The following CNBD1 variants were observed in gnomAD, a reference collection of about 807,000 sequenced individuals.
CNBD1 encodes the protein cyclic nucleotide binding domain containing 1.
Under a neutral mutation model 54.4 loss-of-function variants are expected in CNBD1, and 71 were observed. The ratio of observed to expected loss-of-function variants is 1.30; its 90% CI spans 1.08 to 1.59. The LOEUF (loss-of-function observed/expected upper bound fraction) is 1.59. CNBD1 is among the 40% of genes most tolerant of loss of function. The probability of loss-of-function intolerance (pLI) is 0.00; values close to 1 mark genes in which losing one functional copy is unlikely to be tolerated. For missense variants in CNBD1, 659 were observed against 518.0 expected (o/e 1.27, Z -2.64); for synonymous variants, 182 against 170.7 (o/e 1.07, Z -0.51).
At chr8:87,051,401 G>C (rs1453173349) in intron 4 of CNBD1, among the ~76,000 whole-genome samples, 2 of 152,126 alleles carry the variant, frequency 1.3e-5, no homozygotes, top group Non-Finnish European at 2.9e-5. Flanking sequence ...CGGCTGGGGA[G>C]ACCCTAACCC....
chr8:87,304,301 C>A (rs1809090184), intron 8 of CNBD1, among the ~76,000 whole-genome samples: 1 of 152,126 alleles, frequency 6.6e-6, no homozygotes, highest in South Asian at 2.1e-4. Flanking sequence ...GAATACTATG[C>A]AGCCATAAAA....
chr8:87,045,155 G>A (rs182148005), intron 4 of CNBD1, among the ~76,000 whole-genome samples: 1 of 152,290 alleles, frequency 6.6e-6, no homozygotes, highest in Non-Finnish European at 1.5e-5. Flanking sequence ...GCATGTCCAT[G>A]TGGGGTTCCA....
At chr8:87,177,851 T>C (rs1813231011) in intron 4 of CNBD1, among the ~76,000 whole-genome samples, 1 of 152,206 alleles carries the variant, frequency 6.6e-6, no homozygotes, top group Non-Finnish European at 1.5e-5. Context: ...TTTTCTAACA[T>C]ATTAGAAAGA....
intron 4 of CNBD1, among the ~76,000 whole-genome samples, chr8:87,033,061 A>G (rs1809829291): frequency 6.6e-6 from 1 of 151,438 alleles, no homozygotes; most frequent in African/African-American, 2.5e-5. Context: ...ACATCTGTAC[A>G]CATGTTTTTC....
At chr8:87,362,657 CT>C (rs1370136919) in intron 10 of CNBD1, among the ~76,000 whole-genome samples, 4 of 152,004 alleles carry the variant, frequency 2.6e-5, no homozygotes, top group East Asian at 1.9e-4. Flanking sequence ...AAGTCATGGA[CT>C]GCAGTTTTTA....
At chr8:86,994,386 C>G (rs1196388592) in intron 4 of CNBD1, among the ~76,000 whole-genome samples, 1 of 152,206 alleles carries the variant, frequency 6.6e-6, no homozygotes, top group Non-Finnish European at 1.5e-5. Flanking sequence ...GTGCCACAGT[C>G]CTTGGGTAAG....
At position 87,327,115 on chromosome 8, in the gene CNBD1, C is replaced by T. The variant is rs1204347978; in HGVS notation, c.1043-24570C>T. Among the ~76,000 whole-genome samples the T allele has an allele frequency of 1.2e-4, 17 of 145,364 alleles. 1 individual carries two copies. Among genetic ancestry groups the T allele is most frequent in the East Asian group, 2.0e-4 (1 of 4,902 alleles). On this transcript the variant is annotated intron_variant, in intron 8 of 10. Transcript: ENST00000518476. ...GGGGGTGCCTCCCAGTTAGGCTGCTCGGGGGTCAGGGGTCAGGGACCCACT... is the reference window on the plus strand; with the variant it reads ...GGGGGTGCCTCCCAGTTAGGCTGCTTGGGGGTCAGGGGTCAGGGACCCACT...
intron 4 of CNBD1, among the ~76,000 whole-genome samples, chr8:87,108,589 C>A (rs1394122691): frequency 6.6e-6 from 1 of 152,200 alleles, no homozygotes; most frequent in Non-Finnish European, 1.5e-5. Context: ...TTGAAATTTT[C>A]CAAATCCATG....
intron 8 of CNBD1, among the ~76,000 whole-genome samples, chr8:87,289,325 C>G (rs900176122): frequency 6.6e-6 from 1 of 152,046 alleles, no homozygotes; most frequent in Non-Finnish European, 1.5e-5. Context: ...GCTTCATATG[C>G]CAAGGGAACC....
At chr8:86,931,204 C>T (rs918007339) in intron 3 of CNBD1, among the ~76,000 whole-genome samples, 2 of 152,144 alleles carry the variant, frequency 1.3e-5, no homozygotes, top group Admixed American at 1.3e-4. Flanking sequence ...ACCTTGAGGA[C>T]AAGGTCCAGG....
chr8:86,924,339 A>G (rs10955111), intron 3 of CNBD1, among the ~76,000 whole-genome samples: 83,946 of 151,970 alleles, frequency 0.55, 23,387 homozygotes, highest in South Asian at 0.6. Context: ...ACCAAGGCAA[A>G]TTGTCTACAG....
At chr8:86,870,659 G>A (rs116687920) in intron 1 of CNBD1, among the ~76,000 whole-genome samples, 1,931 of 152,116 alleles carry the variant, frequency 0.013, 34 homozygotes, top group Middle Eastern at 0.041. Flanking sequence ...AAGGATTAAA[G>A]GTATATATTT....
At chr8:87,273,180 G>A (rs1007229126) in intron 6 of CNBD1, among the ~76,000 whole-genome samples, 1 of 151,800 alleles carries the variant, frequency 6.6e-6, no homozygotes, top group African/African-American at 2.4e-5. Context: ...AACCAATAAT[G>A]TTTAGAAAAT....
intron 4 of CNBD1, among the ~76,000 whole-genome samples, chr8:87,087,268 TATATACG>T (rs1811117994): frequency 1.4e-5 from 2 of 145,000 alleles, no homozygotes; most frequent in Non-Finnish European, 3.0e-5. Context: ...TATACATATA[TATATACG>T]TATATATATA....
At chr8:87,340,447 C>T (rs997783721) in intron 8 of CNBD1, among the ~76,000 whole-genome samples, 1 of 152,144 alleles carries the variant, frequency 6.6e-6, no homozygotes, top group Admixed American at 6.5e-5. Flanking sequence ...CTTCTTTCCC[C>T]AGGTTTGGAA....
At chr8:86,906,283 C>T (rs115320692) in intron 3 of CNBD1, among the ~76,000 whole-genome samples, 2,298 of 152,266 alleles carry the variant, frequency 0.015, 58 homozygotes, top group African/African-American at 0.053. Flanking sequence ...TTATCCTATA[C>T]CTTTCTTTTC....
intron 5 of CNBD1, among the ~76,000 whole-genome samples, chr8:87,216,391 T>C (rs1814211901): frequency 6.6e-6 from 1 of 152,188 alleles, no homozygotes; most frequent in African/African-American, 2.4e-5. Context: ...GAATATATCA[T>C]ACACGTACAC....
At chr8:86,890,148 T>A (rs7816838) in intron 2 of CNBD1, among the ~76,000 whole-genome samples, 71,677 of 151,920 alleles carry the variant, frequency 0.47, 17,107 homozygotes, top group South Asian at 0.55. Context: ...ACAATACATT[T>A]TTATTAACTT....
In CNBD1 at chr8:87,306,877, C is replaced by T. The variant is rs572565548; in HGVS notation, c.1042+20206C>T. The stretch of plus-strand genomic sequence containing the variant: ...ACCACTAAAGAACTTAATCATATAA[C>T]CAAATACCACCTGTACCCAAATAAT... On this transcript the variant is annotated intron_variant, in intron 8 of 10. Coordinates refer to ENST00000518476, the MANE Select transcript of CNBD1 (RefSeq NM_173538.3). Among the ~76,000 whole-genome samples the T allele has an allele frequency of 1.2e-4, 19 of 152,036 alleles. 1 individual carries two copies. In the South Asian group the frequency reaches 3.7e-3, roughly 30 times the overall value.
Sources: allele counts gnomAD v4.1 joint callset (sites outside exome capture counted in the v4.1 genomes callset), GRCh38; gene constraint gnomAD v4.1.1; transcripts MANE v1.5; gene names NCBI Gene and HGNC (gene_info 2026-07-23, HGNC 2026-07-21).